The following CDH12 variants were observed in gnomAD, a reference collection of about 807,000 sequenced individuals.
CDH12 encodes the protein cadherin 12.
Under a neutral mutation model 74.1 loss-of-function variants are expected in CDH12, and 41 were observed. The ratio of observed to expected loss-of-function variants is 0.55; its 90% confidence interval spans 0.43 to 0.72. CDH12 has a LOEUF of 0.72. Among genes scored for constraint, CDH12 ranks in the 30% least tolerant of loss-of-function variants. The pLI, the probability that CDH12 is intolerant of heterozygous loss-of-function variation, is 0.00. For missense variants in CDH12, 945 were observed against 977.2 expected (o/e 0.97, Z 0.44); for synonymous variants, 399 against 355.0 (o/e 1.12, Z -1.39).
chr5:22,795,616 C>G (rs1029171768), intron 1 of CDH12, among the ~76,000 whole-genome samples: 1 of 151,330 alleles, frequency 6.6e-6, no homozygotes, highest in Non-Finnish European at 1.5e-5. Context: ...CACAAACACA[C>G]ATCTCATCTT....
chr5:22,764,394 T>G (rs558272781), intron 1 of CDH12, among the ~76,000 whole-genome samples: 10 of 152,120 alleles, frequency 6.6e-5, no homozygotes, highest in African/African-American at 2.4e-4. Flanking sequence ...CTTTTCCATA[T>G]ATATTTCCTT....
intron 1 of CDH12, among the ~76,000 whole-genome samples, chr5:22,791,932 C>T (rs910933991): frequency 6.6e-6 from 1 of 152,160 alleles, no homozygotes; most frequent in East Asian, 1.9e-4. Flanking sequence ...CACACAGAGT[C>T]AAACCATATC....
At chr5:22,525,335 A>G (rs1737220759) in intron 1 of CDH12, among the ~76,000 whole-genome samples, 2 of 152,176 alleles carry the variant, frequency 1.3e-5, no homozygotes, top group Non-Finnish European at 2.9e-5. Context: ...TCACATGACC[A>G]TGACCAAGTT....
chr5:21,859,519 C>A lies in CDH12; in HGVS notation c.527-4729G>T, dbSNP rs188100246. The stretch of plus-strand genomic sequence containing the variant: ...TGAATCAGTGTCCAATATATGGTAC[C>A]ATTTCTCGCATAGCCAGGATTCACC... On this transcript the variant is annotated intron_variant, in intron 6 of 14. Transcript: ENST00000382254. Among the ~76,000 whole-genome samples, 11 of 151,934 alleles carry A rather than the reference C, an allele frequency of 7.2e-5. No individual in the cohort carries two copies. In the East Asian group the frequency reaches 2.1e-3, roughly 30 times the overall value.
intron 3 of CDH12, among the ~76,000 whole-genome samples, chr5:22,344,290 G>A (rs1740013930): frequency 6.6e-6 from 1 of 151,932 alleles, no homozygotes; most frequent in Non-Finnish European, 1.5e-5. Flanking sequence ...ATTATGTCAC[G>A]ACCATATTTT....
intron 4 of CDH12, among the ~76,000 whole-genome samples, chr5:22,147,491 T>C (rs1747266576): frequency 6.6e-6 from 1 of 152,100 alleles, no homozygotes; most frequent in South Asian, 2.1e-4. Context: ...AGAGTAGGTA[T>C]TGGTAATTAA....
intron 5 of CDH12, among the ~76,000 whole-genome samples, chr5:21,995,135 C>T (rs958854205): frequency 2.6e-5 from 4 of 152,000 alleles, no homozygotes; most frequent in Admixed American, 1.3e-4. Context: ...GAACAAACTC[C>T]GGACACACCA....
chr5:22,247,458 C>T (rs1752987435), intron 3 of CDH12, among the ~76,000 whole-genome samples: 1 of 151,988 alleles, frequency 6.6e-6, no homozygotes, highest in Non-Finnish European at 1.5e-5. Flanking sequence ...GGGTGGATCA[C>T]GAGGTCAGGA....
At chr5:22,072,740 T>G (rs1479776338) in intron 5 of CDH12, among the ~76,000 whole-genome samples, 1 of 151,798 alleles carries the variant, frequency 6.6e-6, no homozygotes, top group Non-Finnish European at 1.5e-5. Context: ...CACCCCAGTG[T>G]GTGATGTTCC....
At position 22,078,532 on chromosome 5, in the gene CDH12, A is replaced by G; in HGVS notation, c.145T>C (p.Phe49Leu). The G allele has an allele frequency of 6.2e-7, 1 of 1,613,960 alleles. No homozygotes were observed. The highest frequency in any genetic ancestry group is 2.2e-5 in the East Asian group (1 of 44,880). Residue 49 changes from phenylalanine (F) to leucine (L), a missense_variant, in exon 5 of 15, where the codon TTC (phenylalanine) becomes CTC (leucine). Around this residue, in one of 3 missense-constraint regions of CDH12, gnomAD observed 148 missense variants for 162.8 expected, o/e 0.91. Transcript: ENST00000382254. ...ACCCAGCCACGTTTAACACGTTGGA[A>G]ATGTGACCGTTGTCCTGGCAGATGG... ...VIHLPGQRSH[F>L]QRVKRGWVWN...
intron 2 of CDH12, among the ~76,000 whole-genome samples, chr5:22,422,211 G>T (rs895640013): frequency 6.6e-6 from 1 of 152,048 alleles, no homozygotes; most frequent in African/African-American, 2.4e-5. Context: ...TTACCTGTGG[G>T]TTTAAATAGT....
At chr5:22,572,434 A>C (rs867863495) in intron 1 of CDH12, among the ~76,000 whole-genome samples, 1 of 152,116 alleles carries the variant, frequency 6.6e-6, no homozygotes, top group Non-Finnish European at 1.5e-5. Flanking sequence ...TACTTATTTT[A>C]TTTCTTTCAC....
intron 14 of CDH12, among the ~76,000 whole-genome samples, chr5:21,754,735 T>C (rs750114591): frequency 2.0e-5 from 3 of 152,172 alleles, no homozygotes; most frequent in Non-Finnish European, 4.4e-5. Flanking sequence ...AAACAGTAAA[T>C]ATGCATACAT....
intron 1 of CDH12, among the ~76,000 whole-genome samples, chr5:22,708,155 T>G (rs563178482): frequency 6.6e-6 from 1 of 152,314 alleles, no homozygotes; most frequent in African/African-American, 2.4e-5. Flanking sequence ...TTTCCTTCGC[T>G]TTGTCATTTA....
rs1396787039 is a variant in CDH12 at position 22,802,879 on chromosome 5, T to G, written c.-523+50179A>C. 4.6e-5 allele frequency among the ~76,000 whole-genome samples: 7 copies of G among 152,342 alleles called. No homozygotes were observed. The Middle Eastern group carries it at 0.017, about 370-fold the overall frequency. ...TATATACACGTTTAAAAAATTTATTTCTACTTCCTATTTTTGTTTAATATG... is the reference window on the plus strand; with the variant it reads ...TATATACACGTTTAAAAAATTTATTGCTACTTCCTATTTTTGTTTAATATG... On this transcript the variant is annotated intron_variant, in intron 1 of 14. Transcript: ENST00000382254.
At chr5:22,628,459 C>G (rs1285368200) in intron 1 of CDH12, among the ~76,000 whole-genome samples, 2 of 152,096 alleles carry the variant, frequency 1.3e-5, no homozygotes, top group African/African-American at 2.4e-5. Flanking sequence ...CAAAACCATA[C>G]CATTACATGG....
At chr5:22,828,330 A>G (rs1736432170) in intron 1 of CDH12, among the ~76,000 whole-genome samples, 1 of 152,148 alleles carries the variant, frequency 6.6e-6, no homozygotes, top group Non-Finnish European at 1.5e-5. Flanking sequence ...TAATTAGGTA[A>G]TTGTAGACTG....
At chr5:21,840,828 C>T (rs559110122) in intron 8 of CDH12, among the ~76,000 whole-genome samples, 5 of 152,124 alleles carry the variant, frequency 3.3e-5, no homozygotes, top group African/African-American at 1.2e-4. Flanking sequence ...AACTGGATCC[C>T]TTCCTTACAC....
intron 1 of CDH12, among the ~76,000 whole-genome samples, chr5:22,713,768 G>T (rs1165655181): frequency 6.6e-6 from 1 of 152,086 alleles, no homozygotes; most frequent in Non-Finnish European, 1.5e-5. Flanking sequence ...TCAGTGCTTA[G>T]TCTTATAACA....
Sources: allele counts gnomAD v4.1 joint callset (sites outside exome capture counted in the v4.1 genomes callset), GRCh38; gene constraint gnomAD v4.1.1; regional missense constraint gnomAD v4.1.1; transcripts MANE v1.5; gene names NCBI Gene and HGNC (gene_info 2026-07-23, HGNC 2026-07-21).